Variants in FOXK2 observed in about 807,000 individuals in gnomAD.
FOXK2 encodes the protein forkhead box K2, also known as forkhead box protein K2.
A neutral mutation model predicts 53.3 loss-of-function variants in FOXK2; 24 were observed. The observed-to-expected ratio is 0.45, with a 90% CI of 0.33 to 0.63. The LOEUF (loss-of-function observed/expected upper bound fraction) is 0.63, where lower values mean the gene tolerates loss of function less well. Among genes scored for constraint, FOXK2 ranks in the 30% least tolerant of loss-of-function variants. FOXK2 has a pLI of 0.03. For synonymous variants in FOXK2, 505 were observed against 407.1 expected (o/e 1.24, Z -2.89); for missense variants, 952 against 910.5 (o/e 1.05, Z -0.59).
At chr17:82,530,492 A>AT (rs1159373549) in intron 1 of FOXK2, among the ~76,000 whole-genome samples, 1 of 148,200 alleles carries the variant, frequency 6.7e-6, no homozygotes, top group African/African-American at 2.5e-5. Flanking sequence ...AAATAAGGAA[A>AT]TTTAAAACTA....
intron 1 of FOXK2, among the ~76,000 whole-genome samples, chr17:82,541,359 G>C: frequency 6.8e-6 from 1 of 147,360 alleles, no homozygotes; most frequent in Admixed American, 6.8e-5. Flanking sequence ...TGCAACCTCC[G>C]TCTCCTGGGT....
chr17:82,520,721 A>G (rs564960415), intron 1 of FOXK2, among the ~76,000 whole-genome samples: 62 of 152,146 alleles, frequency 4.1e-4, no homozygotes, highest in Admixed American at 6.6e-4. Context: ...CTCTTAACCG[A>G]TGAAGGGTTG....
intron 1 of FOXK2, among the ~76,000 whole-genome samples, chr17:82,550,627 C>T (rs562700654): frequency 2.0e-5 from 3 of 151,984 alleles, no homozygotes; most frequent in Admixed American, 6.6e-5. Context: ...CTCAGCCTCC[C>T]GAGTAGCTGG....
chr17:82,573,518 A>G lies in FOXK2; in HGVS notation c.909+1648A>G, dbSNP rs180674113. Among the ~76,000 whole-genome samples the G allele has an allele frequency of 3.3e-5, 5 of 150,998 alleles. No individual in the cohort carries two copies. In the East Asian group the frequency reaches 5.8e-4, roughly 18 times the overall value. On this transcript the variant is annotated intron_variant, in intron 4 of 8. Transcript: ENST00000335255. ...TAAAACTGAGGCTGTGCTTCAAACT[A>G]TATACATACACACACACACTCTCTC...
In FOXK2 at chr17:82,573,560, TCTCACACACACA is replaced by T. The variant is rs1203420809; in HGVS notation, c.909+1692_909+1703del. Among the ~76,000 whole-genome samples, 563 of 101,854 alleles carry T rather than the reference TCTCACACACACA, an allele frequency of 5.5e-3. 6 individuals carry two copies. Among genetic ancestry groups the T allele is most frequent in the African/African-American group, 0.02 (507 of 25,630 alleles). 66.8% of individuals were successfully genotyped at this position (101,854 alleles called of 152,430 possible). ...CACTCTCTCTCTCTCTCTCTCTCTCTCTCACACACACACACACACACACACACACACACACAC... is the reference window on the plus strand; with the variant it reads ...CACTCTCTCTCTCTCTCTCTCTCTCTCACACACACACACACACACACACAC... On this transcript the variant is annotated intron_variant, in intron 4 of 8. Coordinates refer to ENST00000335255, the MANE Select transcript of FOXK2 (RefSeq NM_004514.4).
At chr17:82,520,353 G>T (rs1298185918) in intron 1 of FOXK2, 46 bp downstream of exon 1, 5 of 1,232,944 alleles carry the variant, frequency 4.1e-6, no homozygotes, top group Non-Finnish European at 5.1e-6. Context: ...GGCCTGCAGC[G>T]CCTGGCAGGA....
At chr17:82,583,661 A>C (rs114779309) in intron 5 of FOXK2, among the ~76,000 whole-genome samples, 81,753 of 151,754 alleles carry the variant, frequency 0.54, 22,231 homozygotes, top group East Asian at 0.76. Context: ...TTTTAACAAA[A>C]AAAAAAATGA....
intron 8 of FOXK2, chr17:82,601,003 A>G (rs2045376444): frequency 3.0e-6 from 1 of 337,738 alleles, no homozygotes; most frequent in Non-Finnish European, 5.5e-6. Flanking sequence ...TTTATAGGAC[A>G]TAACAAAGAT....
At chr17:82,545,779 A>G (rs1046882133) in intron 1 of FOXK2, among the ~76,000 whole-genome samples, 5 of 152,018 alleles carry the variant, frequency 3.3e-5, no homozygotes, top group African/African-American at 1.2e-4. Context: ...ACGGGGTTTC[A>G]CCATGTTGGC....
intron 1 of FOXK2, among the ~76,000 whole-genome samples, chr17:82,547,076 C>CAA (rs57383328): frequency 3.1e-3 from 349 of 112,286 alleles, no homozygotes; most frequent in Middle Eastern, 9.1e-3. Context: ...AAAACTCCAT[C>CAA]AAAAAAAAAA....
Position 82,586,176 on chromosome 17 carries a change from A to G in FOXK2, c.1552A>G (p.Asn518Asp), listed in dbSNP as rs576459726. The G allele has an allele frequency of 6.8e-6, 11 of 1,610,570 alleles. No homozygotes were observed. The East Asian group carries it at 2.2e-4, about 33-fold the overall frequency. Reference sequence around the variant, plus strand: ...CCCTCCTAAGGCAGAGGCCCAGGAGAATGGAGACCACAGGGAAGTCAAAGG... The same window carrying G: ...CCCTCCTAAGGCAGAGGCCCAGGAGGATGGAGACCACAGGGAAGTCAAAGG... ...LAPPKAEAQENGDHREVKVKV... is the reference protein window; with the variant it reads ...LAPPKAEAQEDGDHREVKVKV... Residue 518 changes from asparagine (N) to aspartate (D), a missense_variant, in exon 7 of 9, where the codon AAT becomes GAT. This residue lies in a region of FOXK2 where 551 missense variants were observed against 385.1 expected (regional missense o/e 1.43). Coordinates refer to ENST00000335255, the MANE Select transcript of FOXK2 (RefSeq NM_004514.4).
At chr17:82,527,027 G>A (rs2044425463) in intron 1 of FOXK2, among the ~76,000 whole-genome samples, 1 of 152,156 alleles carries the variant, frequency 6.6e-6, no homozygotes, top group Admixed American at 6.6e-5. Flanking sequence ...AGGGCTGCAA[G>A]GTGGCTGAAA....
chr17:82,526,268 AAAG>A (rs570706442), intron 1 of FOXK2, among the ~76,000 whole-genome samples: 271 of 152,252 alleles, frequency 1.8e-3, no homozygotes, highest in African/African-American at 4.7e-3. Flanking sequence ...CCAGTACCAG[AAAG>A]AAGAAGTAAG....
At chr17:82,576,844 T>C (rs1294445250) in intron 4 of FOXK2, 11 of 542,556 alleles carry the variant, frequency 2.0e-5, no homozygotes, top group Non-Finnish European at 3.7e-5. Flanking sequence ...GCAGCTGTTC[T>C]TCAATATATT....
chr17:82,544,700 G>A (rs991871481), intron 1 of FOXK2, among the ~76,000 whole-genome samples: 3 of 152,114 alleles, frequency 2.0e-5, no homozygotes, highest in Non-Finnish European at 2.9e-5. Context: ...TTTGCTTTCT[G>A]GAATTGTGGA....
chr17:82,568,017 T>C (rs1567976729), intron 2 of FOXK2, 37 bp from the exon 3 acceptor site: 1 of 1,572,442 alleles, frequency 6.4e-7, no homozygotes, highest in Admixed American at 2.1e-5. Context: ...GCGTGCACTG[T>C]GATAGACTAA....
At chr17:82,536,240 A>C (rs534630399) in intron 1 of FOXK2, among the ~76,000 whole-genome samples, 1 of 152,308 alleles carries the variant, frequency 6.6e-6, no homozygotes, top group African/African-American at 2.4e-5. Flanking sequence ...TTGTCTAGCA[A>C]ATCCAGCATC....
chr17:82,541,430 G>A (rs1417924629), intron 1 of FOXK2, among the ~76,000 whole-genome samples: 3 of 151,692 alleles, frequency 2.0e-5, no homozygotes. Context: ...CCGCCATCAC[G>A]CCCGGCTAAT....
At chr17:82,596,020 C>A in intron 8 of FOXK2, 1 of 1,148,740 alleles carries the variant, frequency 8.7e-7, no homozygotes, top group Non-Finnish European at 1.1e-6. Context: ...CAGAGTCACA[C>A]TGCGCGTCTG....
Sources: gnomAD v4.1 joint callset for allele counts (sites outside exome capture counted in the v4.1 genomes callset) on GRCh38, gnomAD v4.1.1 for gene constraint, gnomAD v4.1.1 regional missense constraint, MANE v1.5 for transcripts, NCBI Gene and HGNC (gene_info 2026-07-23, HGNC 2026-07-21) for gene names.